The following FGFR1 variants were observed in gnomAD, a reference collection of about 807,000 sequenced individuals.
FGFR1 encodes fibroblast growth factor receptor 1.
Under a neutral mutation model 93.7 loss-of-function variants are expected in FGFR1, and 18 were observed. The ratio of observed to expected loss-of-function variants is 0.19; its 90% CI spans 0.13 to 0.28. The LOEUF (loss-of-function observed/expected upper bound fraction) is 0.28, where lower values mean the gene tolerates loss of function less well. Among genes scored for constraint, FGFR1 ranks in the 10% least tolerant of loss-of-function variants. The pLI, the probability that FGFR1 is intolerant of heterozygous loss-of-function variation, is 1.00. For missense variants in FGFR1, 731 were observed against 1,080.4 expected (o/e 0.68, Z 4.53); for synonymous variants, 448 against 429.3 (o/e 1.04, Z -0.54).
intron 12 of FGFR1, 35 bp from the exon 13 acceptor site, chr8:38,416,095 A>G: frequency 6.3e-7 from 1 of 1,578,490 alleles, no homozygotes; most frequent in Non-Finnish European, 8.6e-7. Context: ...TGGGGCCAGC[A>G]GCAGGTGAGC....
Position 38,412,463 on chromosome 8 carries a change from G to A in FGFR1, c.*1165C>T, listed in dbSNP as rs1437186614. The A allele has an allele frequency of 4.3e-6, 1 of 232,474 alleles. No individual in the cohort carries two copies. Among genetic ancestry groups the A allele is most frequent in the Non-Finnish European group, 8.5e-6 (1 of 117,636 alleles). The allele number at this position is 232,474 out of a possible 1,614,324, so 14.4% of individuals were successfully genotyped here. On this transcript the variant is annotated 3_prime_UTR_variant, in exon 18 of 18. Transcript: ENST00000447712. ...AAACCATCCATGGTCGATGGCTGCT[G>A]GGCCTTGACTCTCTGCCCAGCGCCT... is the stretch of plus-strand genomic sequence containing the variant.
At chr8:38,463,743 G>A (rs1050527547) in intron 1 of FGFR1, among the ~76,000 whole-genome samples, 1 of 152,180 alleles carries the variant, frequency 6.6e-6, no homozygotes. Flanking sequence ...AAAGAACCCT[G>A]AGAAAATTTC....
intron 2 of FGFR1, among the ~76,000 whole-genome samples, chr8:38,449,288 A>T (rs962923664): frequency 6.6e-6 from 1 of 152,190 alleles, no homozygotes; most frequent in African/African-American, 2.4e-5. Flanking sequence ...ACAGGAACAG[A>T]TATTTCCAGC....
chr8:38,466,643 A>G (rs890819279), intron 1 of FGFR1: 3 of 226,322 alleles, frequency 1.3e-5, no homozygotes, highest in Non-Finnish European at 2.6e-5. Context: ...AGTCTCCAGA[A>G]ATGTTAAGGA....
intron 1 of FGFR1, chr8:38,458,783 A>C (rs1009889737): frequency 9.1e-6 from 2 of 220,732 alleles, no homozygotes; most frequent in South Asian, 3.7e-4. Context: ...AAATTGTACG[A>C]ATCACATCCA....
chr8:38,445,235 G>A (rs1017249520), intron 2 of FGFR1, among the ~76,000 whole-genome samples: 1 of 152,140 alleles, frequency 6.6e-6, no homozygotes, highest in East Asian at 1.9e-4. Context: ...CAGAAAAAAC[G>A]ATTCTGTGTT....
rs17182155 is a variant in FGFR1 at position 38,458,362 on chromosome 8, G to A, written c.-88-828C>T. Among the ~76,000 whole-genome samples, 1,098 of 152,212 alleles carry A rather than the reference G, an allele frequency of 7.2e-3. 17 individuals are homozygous for A. Among genetic ancestry groups the A allele is most frequent in the African/African-American group, 0.025 (1,041 of 41,514 alleles). ...TCAAGACCAACCTGGCCAATATGGT[G>A]AAATCCCATCTCTACTAAAAATACA... is the stretch of plus-strand genomic sequence containing the variant. On this transcript the variant is annotated intron_variant, in intron 1 of 17. Transcript: ENST00000447712.
chr8:38,437,803 C>T (rs1276456689), intron 2 of FGFR1, among the ~76,000 whole-genome samples: 1 of 152,194 alleles, frequency 6.6e-6, no homozygotes, highest in Non-Finnish European at 1.5e-5. Context: ...ACTATGAATG[C>T]AGGGCATTCA....
rs1281769667 is a variant in FGFR1 at position 38,426,554 on chromosome 8, C to G, written c.622-309G>C. ...ACCAAGAATGTTCCCAACTGTGCAC[C>G]TCTCCTATTACACTAAGAATCCAGC... On this transcript the variant is annotated intron_variant, in intron 5 of 17. Transcript: ENST00000447712. The surrounding 1 kb of genome is among the most constrained non-coding windows in gnomAD (Gnocchi z 4.1). Among the ~76,000 whole-genome samples the G allele has an allele frequency of 6.6e-6, 1 of 152,214 alleles. No homozygotes were observed. Among genetic ancestry groups the G allele is most frequent in the Non-Finnish European group, 1.5e-5 (1 of 68,038 alleles).
At chr8:38,461,060 A>C in intron 1 of FGFR1, 7 of 1,535,716 alleles carry the variant, frequency 4.6e-6, no homozygotes, top group Non-Finnish European at 6.1e-6. Context: ...GGCACATCTC[A>C]GTTTCCCACT....
At position 38,429,098 on chromosome 8, in the gene FGFR1, T is replaced by C. The variant is rs1821858943; in HGVS notation, c.358+584A>G. 2.8e-6 allele frequency: 1 copy of C among 360,430 alleles called. No homozygotes were observed. Among genetic ancestry groups the C allele is most frequent in the Admixed American group, 3.7e-5 (1 of 27,182 alleles). 22.3% of individuals were successfully genotyped at this position (360,430 alleles called of 1,614,324 possible). The stretch of plus-strand genomic sequence containing the variant: ...GGGATCTGCTGCCAAGTCCACACCC[T>C]GAGGTGCATAAATGGCATAAAGAAA... On this transcript the variant is annotated intron_variant, in intron 3 of 17. Transcript: ENST00000447712. This position sits in a 1 kb window ranked among gnomAD's most constrained non-coding sequence, Gnocchi z 4.4.
chr8:38,439,084 A>G (rs1202834394), intron 2 of FGFR1, among the ~76,000 whole-genome samples: 1 of 152,116 alleles, frequency 6.6e-6, no homozygotes, highest in African/African-American at 2.4e-5. Context: ...ATTGCACTTA[A>G]TATTTCATAG....
At chr8:38,462,602 A>G (rs1161926941) in intron 1 of FGFR1, among the ~76,000 whole-genome samples, 2 of 151,954 alleles carry the variant, frequency 1.3e-5, no homozygotes, top group Non-Finnish European at 2.9e-5. Flanking sequence ...TTATAATGTT[A>G]TATTTCTTTC....
At chr8:38,464,101 G>A (rs1047418180) in intron 1 of FGFR1, among the ~76,000 whole-genome samples, 13 of 152,210 alleles carry the variant, frequency 8.5e-5, no homozygotes, top group South Asian at 6.2e-4. Context: ...GATTGCTTGA[G>A]GTCAGGAGTT....
chr8:38,416,835 C>T (rs955552493), intron 12 of FGFR1, among the ~76,000 whole-genome samples: 3 of 152,198 alleles, frequency 2.0e-5, no homozygotes, highest in African/African-American at 7.2e-5. Flanking sequence ...TCACTGCAAC[C>T]TCCACCTCCC....
chr8:38,428,419 C>G lies in FGFR1; in HGVS notation c.375G>C (p.Ser125=). The change falls in exon 4 of 18, where the codon TCG becomes TCC. Residue 125 remains serine (S), a synonymous_variant. Coordinates refer to ENST00000447712, the MANE Select transcript of FGFR1 (RefSeq NM_023110.3). Reference sequence around the variant, plus strand: ...AGTCATCATCATCATCATCATCCTCCGAGGAGGGGAGAGCATCTATGGGAA... The same window carrying G: ...AGTCATCATCATCATCATCATCCTCGGAGGAGGGGAGAGCATCTATGGGAA... ...SVNVSDALPS[S]EDDDDDDDSS... 3 of 1,613,308 alleles carry G rather than the reference C, an allele frequency of 1.9e-6. No individual in the cohort carries two copies. The highest frequency in any genetic ancestry group is 2.5e-6 in the Non-Finnish European group (3 of 1,179,796).
intron 1 of FGFR1, among the ~76,000 whole-genome samples, chr8:38,460,331 C>A (rs573912129): frequency 6.6e-6 from 1 of 152,276 alleles, no homozygotes; most frequent in South Asian, 2.1e-4. Context: ...TTACTACATC[C>A]CGAAAATACA....
In FGFR1 at chr8:38,428,103, G is replaced by C. The variant is rs756660976; in HGVS notation, c.449-10C>G. On this transcript the variant is annotated splice_polypyrimidine_tract_variant and intron_variant, in intron 4 of 17. Coordinates refer to ENST00000447712, the MANE Select transcript of FGFR1 (RefSeq NM_023110.3). ...CAATATGGAGCTACGGCTGCCCGGG[G>C]AAAGCCAAGAGAGACAGGCAGGGTG... The C allele has an allele frequency of 1.9e-6, 3 of 1,613,854 alleles. No homozygotes were observed. The highest frequency in any genetic ancestry group is 2.5e-6 in the Non-Finnish European group (3 of 1,180,056).
At chr8:38,449,106 G>GAA (rs796242913) in intron 2 of FGFR1, among the ~76,000 whole-genome samples, 1 of 145,068 alleles carries the variant, frequency 6.9e-6, no homozygotes, top group African/African-American at 2.5e-5. Flanking sequence ...GGTCTCAGGA[G>GAA]AAAAAAAAAA....
Sources: allele counts gnomAD v4.1 joint callset (sites outside exome capture counted in the v4.1 genomes callset), GRCh38; gene constraint gnomAD v4.1.1; non-coding constraint Gnocchi (gnomAD v3.1); transcripts MANE v1.5; gene names NCBI Gene and HGNC (gene_info 2026-07-23, HGNC 2026-07-21).